ZFHX3: variants seen among roughly 807,000 people sequenced by gnomAD.
ZFHX3 encodes the protein zinc finger homeobox 3, also known as zinc finger homeobox protein 3.
A neutral mutation model predicts 279.1 loss-of-function variants in ZFHX3; 42 were observed. The ratio of observed to expected loss-of-function variants is 0.15; its 90% confidence interval spans 0.12 to 0.19. The LOEUF is 0.19. ZFHX3 is among the 10% of genes least tolerant of loss of function. The pLI is 1.00. For missense variants in ZFHX3, 4,981 were observed against 4,754.0 expected (o/e 1.05, Z -1.40); for synonymous variants, 2,293 against 1,957.8 (o/e 1.17, Z -4.52).
At chr16:72,930,985 G>C (rs1959765624) in intron 3 of ZFHX3, among the ~76,000 whole-genome samples, 1 of 152,096 alleles carries the variant, frequency 6.6e-6, no homozygotes, top group Non-Finnish European at 1.5e-5. Context: ...TTCTTCATTT[G>C]TGTTCAAATT....
At chr16:73,698,019 A>G (rs2053213278) in intron 1 of ZFHX3, among the ~76,000 whole-genome samples, 1 of 152,190 alleles carries the variant, frequency 6.6e-6, no homozygotes, top group South Asian at 2.1e-4. Context: ...GTGCCACAGC[A>G]TAAGAGACAA....
At chr16:73,235,560 G>C (rs8058681) in intron 5 of ZFHX3, among the ~76,000 whole-genome samples, 122,295 of 152,144 alleles carry the variant, frequency 0.8, 49,510 homozygotes, top group African/African-American at 0.9. Context: ...GACCGGAGAG[G>C]CACTCGGCTC....
intron 5 of ZFHX3, among the ~76,000 whole-genome samples, chr16:73,219,022 T>C (rs1440886458): frequency 2.6e-5 from 4 of 152,222 alleles, no homozygotes; most frequent in African/African-American, 4.8e-5. Flanking sequence ...ATTCTAGATA[T>C]TTCACATAAA....
At chr16:73,004,175 T>C in intron 1 of ZFHX3, among the ~76,000 whole-genome samples, 1 of 141,008 alleles carries the variant, frequency 7.1e-6, no homozygotes, top group Non-Finnish European at 1.5e-5. Context: ...TTTTTTTTTT[T>C]TTTTTTTTTA....
intron 7 of ZFHX3, among the ~76,000 whole-genome samples, chr16:73,129,427 T>C (rs539572654): frequency 6.6e-5 from 9 of 136,662 alleles, no homozygotes; most frequent in African/African-American, 1.8e-4. Flanking sequence ...ATTGAAGTGA[T>C]ATCTAGTGTC....
intron 3 of ZFHX3, among the ~76,000 whole-genome samples, chr16:73,370,634 TG>T (rs2016611710): frequency 6.6e-6 from 1 of 152,140 alleles, no homozygotes; most frequent in Non-Finnish European, 1.5e-5. Flanking sequence ...CTACATATAC[TG>T]GGGCTGTCAG....
At position 72,800,063 on chromosome 16, in the gene ZFHX3, C is replaced by T. The variant is rs767491168; in HGVS notation, c.3931G>A (p.Gly1311Arg). The T allele has an allele frequency of 1.9e-6, 3 of 1,614,156 alleles. No individual in the cohort carries two copies. Among genetic ancestry groups the T allele is most frequent in the Non-Finnish European group, 2.5e-6 (3 of 1,180,028 alleles). ...FLPAAVPDRD[G>R]NSNLEEAGKQ... is the part of the protein sequence containing the mutation. ...CCTGCCTCTTCCAAATTGGAATTCC[C>T]ATCTCGATCTGGAACAGCTGCTGGG... The change falls in exon 8 of 10, where the codon GGG becomes AGG. Residue 1311 changes from glycine to arginine, a missense_variant. Physicochemically the swap from Gly to Arg is moderately radical, Grantham distance 125 (BLOSUM62 -2). Around this residue, in one of 7 missense-constraint regions of ZFHX3, gnomAD observed 1,751 missense variants for 1,770.0 expected, o/e 0.99. Transcript: ENST00000268489.
intron 5 of ZFHX3, among the ~76,000 whole-genome samples, chr16:73,245,148 A>G (rs866003078): frequency 2.6e-5 from 4 of 152,332 alleles, no homozygotes; most frequent in South Asian, 4.1e-4. Context: ...CCCAAAACTC[A>G]TAGCAGTCAC....
At chr16:73,217,290 C>T (rs772670620) in intron 5 of ZFHX3, among the ~76,000 whole-genome samples, 17 of 152,188 alleles carry the variant, frequency 1.1e-4, no homozygotes, top group African/African-American at 2.2e-4. Context: ...CTGCAGCCTT[C>T]GTATGCCTCA....
chr16:73,645,392 G>A (rs1209494459), intron 2 of ZFHX3, among the ~76,000 whole-genome samples: 1 of 152,092 alleles, frequency 6.6e-6, no homozygotes, highest in Non-Finnish European at 1.5e-5. Flanking sequence ...GAGTAGCTGG[G>A]ACTACAGGCG....
At chr16:73,306,743 A>G (rs191190191) in intron 4 of ZFHX3, among the ~76,000 whole-genome samples, 261 of 152,342 alleles carry the variant, frequency 1.7e-3, no homozygotes, top group Middle Eastern at 0.01. Flanking sequence ...CTCTGGGCCC[A>G]GCAGTGACAG....
At chr16:73,774,064 G>A (rs929532016) in intron 1 of ZFHX3, among the ~76,000 whole-genome samples, 1 of 152,010 alleles carries the variant, frequency 6.6e-6, no homozygotes, top group Non-Finnish European at 1.5e-5. Flanking sequence ...TTGAGCCCAG[G>A]GTTTGCAGTA....
At chr16:73,143,899 G>T (rs1597180226) in intron 5 of ZFHX3, 2 of 569,760 alleles carry the variant, frequency 3.5e-6, no homozygotes, top group Non-Finnish European at 5.8e-6. Flanking sequence ...CAGGCCAAGT[G>T]GCTAATGAAT....
At chr16:73,379,309 T>C (rs1015376620) in intron 3 of ZFHX3, among the ~76,000 whole-genome samples, 2 of 152,170 alleles carry the variant, frequency 1.3e-5, no homozygotes, top group Admixed American at 1.3e-4. Context: ...TTTTTACTTC[T>C]ATTGACCCCC....
intron 3 of ZFHX3, among the ~76,000 whole-genome samples, chr16:72,930,329 A>T (rs2144289524): frequency 6.6e-6 from 1 of 152,304 alleles, no homozygotes; most frequent in East Asian, 1.9e-4. Context: ...CATCTGATCA[A>T]AACACCCCTT....
At chr16:73,118,534 T>C (rs1217021942) in intron 7 of ZFHX3, among the ~76,000 whole-genome samples, 4 of 152,116 alleles carry the variant, frequency 2.6e-5, no homozygotes, top group Non-Finnish European at 4.4e-5. Context: ...GGATATGACA[T>C]GTGCAACTTC....
intron 3 of ZFHX3, among the ~76,000 whole-genome samples, chr16:72,906,796 C>A (rs1034908245): frequency 6.6e-6 from 1 of 152,060 alleles, no homozygotes; most frequent in Non-Finnish European, 1.5e-5. Flanking sequence ...AGACTCTGTC[C>A]ACCCCCCTTC....
At chr16:73,717,943 G>A (rs553958141) in intron 1 of ZFHX3, among the ~76,000 whole-genome samples, 16 of 152,288 alleles carry the variant, frequency 1.1e-4, no homozygotes, top group African/African-American at 1.7e-4. Context: ...AATGAAAAGC[G>A]GCCTGTTTGC....
At chr16:73,226,554 C>T (rs1330256571) in intron 5 of ZFHX3, among the ~76,000 whole-genome samples, 1 of 152,226 alleles carries the variant, frequency 6.6e-6, no homozygotes, top group East Asian at 1.9e-4. Flanking sequence ...TCGGCCTTGG[C>T]CTGTCTCATG....
Sources: allele counts gnomAD v4.1 joint callset (sites outside exome capture counted in the v4.1 genomes callset), GRCh38; gene constraint gnomAD v4.1.1; regional missense constraint gnomAD v4.1.1; transcripts MANE v1.5; gene names NCBI Gene and HGNC (gene_info 2026-07-23, HGNC 2026-07-21).